The following NEK7 variants were observed in gnomAD, a reference collection of about 807,000 sequenced individuals.
The protein encoded by NEK7 is serine/threonine-protein kinase Nek7.
NEK7 carries 18 observed loss-of-function variants against 44.6 expected under a neutral mutation model. The observed-to-expected ratio is 0.40, with a 90% CI of 0.28 to 0.60. The LOEUF is 0.60. Among genes scored for constraint, NEK7 ranks in the 20% least tolerant of loss-of-function variants. NEK7 has a pLI of 0.38. For missense variants in NEK7, 256 were observed against 366.5 expected (o/e 0.70, Z 2.46); for synonymous variants, 130 against 121.1 (o/e 1.07, Z -0.48).
chr1:198,252,550 AT>A (rs1653071518), intron 2 of NEK7, among the ~76,000 whole-genome samples: 2 of 60,418 alleles, frequency 3.3e-5, no homozygotes, highest in Non-Finnish European at 5.2e-5. Context: ...ATATATATAT[AT>A]ATATATATAT....
At chr1:198,278,296 C>T (rs1654083720) in intron 6 of NEK7, among the ~76,000 whole-genome samples, 17 of 151,458 alleles carry the variant, frequency 1.1e-4, no homozygotes, top group African/African-American at 3.9e-4. Context: ...CAGTAAGATG[C>T]TGTTGGTAAA....
At chr1:198,284,517 A>T (rs1172445177) in intron 7 of NEK7, among the ~76,000 whole-genome samples, 2 of 152,166 alleles carry the variant, frequency 1.3e-5, no homozygotes, top group Admixed American at 1.3e-4. Flanking sequence ...ACTTTAGCTG[A>T]TATTTCTAAA....
chr1:198,300,600 A>G (rs1202463926), intron 9 of NEK7, among the ~76,000 whole-genome samples: 5 of 152,162 alleles, frequency 3.3e-5, no homozygotes, highest in Non-Finnish European at 7.3e-5. Flanking sequence ...GCTTCCTTGC[A>G]TGGATGCCTC....
intron 1 of NEK7, among the ~76,000 whole-genome samples, chr1:198,223,785 A>G (rs1666135987): frequency 6.6e-6 from 1 of 152,098 alleles, no homozygotes; most frequent in South Asian, 2.1e-4. Flanking sequence ...GTATTTAAAG[A>G]CTTTTTGGAT....
At chr1:198,301,946 T>C (rs1185302463) in intron 9 of NEK7, among the ~76,000 whole-genome samples, 1 of 152,240 alleles carries the variant, frequency 6.6e-6, no homozygotes, top group East Asian at 1.9e-4. Flanking sequence ...ATTGTGATTA[T>C]ATTCTGATTA....
intron 1 of NEK7, among the ~76,000 whole-genome samples, chr1:198,217,358 A>G (rs1173838210): frequency 6.6e-6 from 1 of 152,128 alleles, no homozygotes; most frequent in Non-Finnish European, 1.5e-5. Flanking sequence ...TCATCTCAGT[A>G]GATGCAGAAA....
At chr1:198,280,855 A>G (rs1323017951) in intron 7 of NEK7, among the ~76,000 whole-genome samples, 1 of 150,990 alleles carries the variant, frequency 6.6e-6, no homozygotes, top group Non-Finnish European at 1.5e-5. Context: ...CATACCTGAA[A>G]TACAGCAGTG....
chr1:198,227,989 T>A (rs1666277955), intron 1 of NEK7, among the ~76,000 whole-genome samples: 2 of 152,226 alleles, frequency 1.3e-5, no homozygotes, highest in African/African-American at 2.4e-5. Context: ...TTCTAGGGTT[T>A]TTATGGTTTC....
At chr1:198,218,970 G>A (rs1025526785) in intron 1 of NEK7, among the ~76,000 whole-genome samples, 3 of 151,846 alleles carry the variant, frequency 2.0e-5, no homozygotes, top group Non-Finnish European at 4.4e-5. Context: ...GGAATGTAAA[G>A]TAGCACCACC....
At chr1:198,302,045 A>C (rs1051267222) in intron 9 of NEK7, among the ~76,000 whole-genome samples, 1 of 152,212 alleles carries the variant, frequency 6.6e-6, no homozygotes, top group East Asian at 1.9e-4. Flanking sequence ...AATCGGAATT[A>C]TTAACCCAGT....
At position 198,187,214 on chromosome 1, in the gene NEK7, C is replaced by G. The variant is rs187367291; in HGVS notation, c.-29+29938C>G. Among the ~76,000 whole-genome samples, 77 of 152,246 alleles carry G rather than the reference C, an allele frequency of 5.1e-4. 1 individual carries two copies. Among genetic ancestry groups the G allele is most frequent in the African/African-American group, 1.6e-3 (68 of 41,546 alleles). ...GCCTAGATGAGGCACATGTTGTCTT[C>G]AATATCTAAACAGTCCAATTATGTG... On this transcript the variant is annotated intron_variant, in intron 1 of 9. Transcript: ENST00000367385.
intron 1 of NEK7, among the ~76,000 whole-genome samples, chr1:198,217,185 A>T (rs1378488477): frequency 6.6e-6 from 1 of 152,098 alleles, no homozygotes. Flanking sequence ...TGTAAAACAC[A>T]GATGCAAAAA....
intron 1 of NEK7, among the ~76,000 whole-genome samples, chr1:198,210,569 A>G (rs556572176): frequency 3.9e-5 from 6 of 152,006 alleles, no homozygotes; most frequent in African/African-American, 1.4e-4. Context: ...TTTTTTTAGA[A>G]GAGAATTTTG....
intron 5 of NEK7, among the ~76,000 whole-genome samples, chr1:198,268,384 T>A (rs376898064): frequency 6.6e-6 from 1 of 151,714 alleles, no homozygotes; most frequent in South Asian, 2.1e-4. Flanking sequence ...AAACCAGGAC[T>A]TTTTTTTGAC....
chr1:198,236,192 A>G (rs1310773469), intron 2 of NEK7, among the ~76,000 whole-genome samples: 2 of 152,084 alleles, frequency 1.3e-5, no homozygotes, highest in Non-Finnish European at 2.9e-5. Context: ...TCTCTAGTTT[A>G]TCTTCTGGAG....
chr1:198,200,434 T>C (rs1479459696), intron 1 of NEK7, among the ~76,000 whole-genome samples: 1 of 152,190 alleles, frequency 6.6e-6, no homozygotes, highest in Non-Finnish European at 1.5e-5. Context: ...TGATTCAATA[T>C]TTTTTATTAT....
At chr1:198,201,352 G>A (rs1411409925) in intron 1 of NEK7, among the ~76,000 whole-genome samples, 1 of 152,088 alleles carries the variant, frequency 6.6e-6, no homozygotes, top group Admixed American at 6.6e-5. Context: ...AAAGCCAGGA[G>A]TATATAGTGG....
intron 1 of NEK7, among the ~76,000 whole-genome samples, chr1:198,225,297 T>C (rs1017356679): frequency 2.7e-5 from 4 of 148,160 alleles, no homozygotes; most frequent in African/African-American, 9.9e-5. Flanking sequence ...CTCCAGCATA[T>C]ATATAAGTTA....
chr1:198,164,163 C>G (rs989023033), intron 1 of NEK7, among the ~76,000 whole-genome samples: 3 of 152,190 alleles, frequency 2.0e-5, no homozygotes, highest in Non-Finnish European at 4.4e-5. Flanking sequence ...GTTTACTCCT[C>G]TAATCACTTT....
Sources: gnomAD v4.1 joint callset for allele counts (sites outside exome capture counted in the v4.1 genomes callset) on GRCh38, gnomAD v4.1.1 for gene constraint, MANE v1.5 for transcripts, NCBI Gene and HGNC (gene_info 2026-07-23, HGNC 2026-07-21) for gene names.